Variants in LARGE1 observed in about 807,000 individuals in gnomAD.
LARGE1 encodes the protein xylosyl- and glucuronyltransferase LARGE1.
In LARGE1, 43 loss-of-function variants were observed where a neutral mutation model predicts 87.6. The observed-to-expected ratio is 0.49, with a 90% CI of 0.38 to 0.63. The LOEUF is 0.63. Among genes scored for constraint, LARGE1 ranks in the 30% least tolerant of loss-of-function variants. The pLI is 0.00. For missense variants in LARGE1, 802 were observed against 1,000.2 expected (o/e 0.80, Z 2.67); for synonymous variants, 434 against 394.6 (o/e 1.10, Z -1.18).
At chr22:33,920,887 C>T (rs1246087957), upstream of LARGE1, among the ~76,000 whole-genome samples, 1 of 146,758 alleles carries the variant, frequency 6.8e-6, no homozygotes, top group Non-Finnish European at 1.5e-5. Flanking sequence ...CCTCCCGCGC[C>T]CGGCCAGGAG....
chr22:33,608,006 T>C (rs1350002509), intron 4 of LARGE1, among the ~76,000 whole-genome samples: 1 of 152,136 alleles, frequency 6.6e-6, no homozygotes, highest in Non-Finnish European at 1.5e-5. Flanking sequence ...GAAGGGACAA[T>C]GCTGTGTTTG....
chr22:33,549,957 C>T (rs926337949), intron 6 of LARGE1, among the ~76,000 whole-genome samples: 1 of 152,082 alleles, frequency 6.6e-6, no homozygotes, highest in African/African-American at 2.4e-5. Context: ...GCATAGTATT[C>T]CATGGTGTAC....
intron 2 of LARGE1, among the ~76,000 whole-genome samples, chr22:33,748,833 A>G (rs1489412740): frequency 1.3e-5 from 2 of 152,200 alleles, no homozygotes; most frequent in African/African-American, 2.4e-5. Context: ...CCACAGCTGC[A>G]GTATGTTAGG....
At chr22:33,641,149 G>A (rs563164679) in intron 3 of LARGE1, among the ~76,000 whole-genome samples, 4 of 152,132 alleles carry the variant, frequency 2.6e-5, no homozygotes, top group Non-Finnish European at 4.4e-5. Flanking sequence ...GGAGAGCTCC[G>A]GCTGGCAACG....
intron 1 of LARGE1, among the ~76,000 whole-genome samples, chr22:33,804,285 C>A (rs5994799): frequency 6.6e-6 from 1 of 152,088 alleles, no homozygotes; most frequent in South Asian, 2.1e-4. Context: ...CAACATTGAA[C>A]GCAGACTTGA....
chr22:33,121,468 T>G, the LARGE1 span, among the ~76,000 whole-genome samples: 1 of 152,170 alleles, frequency 6.6e-6, no homozygotes, highest in African/African-American at 2.4e-5. Context: ...CTTTATAGAG[T>G]GGTTTTGATA....
chr22:33,477,954 G>T (rs958635980), intron 6 of LARGE1, among the ~76,000 whole-genome samples: 1 of 152,146 alleles, frequency 6.6e-6, no homozygotes, highest in Non-Finnish European at 1.5e-5. Flanking sequence ...TGAGTCACAG[G>T]TCTAACTCCT....
intron 2 of LARGE1, among the ~76,000 whole-genome samples, chr22:33,743,404 T>C (rs1345485575): frequency 6.6e-6 from 1 of 152,164 alleles, no homozygotes; most frequent in Non-Finnish European, 1.5e-5. Context: ...CCAGTATCCA[T>C]TTGCTCAGGT....
chr22:33,073,199 C>T, the LARGE1 span, among the ~76,000 whole-genome samples: 93 of 152,306 alleles, frequency 6.1e-4, no homozygotes, highest in East Asian at 0.011. Flanking sequence ...CTTTAAACTT[C>T]ATTCCTAAAG....
chr22:33,583,642 A>T (rs2078584358), intron 5 of LARGE1, among the ~76,000 whole-genome samples: 1 of 152,240 alleles, frequency 6.6e-6, no homozygotes, highest in Non-Finnish European at 1.5e-5. Flanking sequence ...TGAATAGGTC[A>T]GGGACATTGA....
the LARGE1 span, among the ~76,000 whole-genome samples, chr22:33,131,729 T>C: frequency 6.6e-6 from 1 of 152,100 alleles, no homozygotes; most frequent in African/African-American, 2.4e-5. Flanking sequence ...GTTCCTCCCA[T>C]GACACATGGG....
intron 9 of LARGE1, among the ~76,000 whole-genome samples, chr22:33,361,803 A>G (rs1360732622): frequency 7.2e-6 from 1 of 137,954 alleles, no homozygotes; most frequent in Non-Finnish European, 1.6e-5. Flanking sequence ...TCCTTACATC[A>G]CAGCACCTAG....
At chr22:33,616,026 AT>A (rs1290547403) in intron 4 of LARGE1, among the ~76,000 whole-genome samples, 6 of 152,222 alleles carry the variant, frequency 3.9e-5, no homozygotes, top group African/African-American at 1.4e-4. Flanking sequence ...GTGATTAAGA[AT>A]TTGCAGATAT....
At chr22:33,884,129 C>A (rs952280964) in intron 1 of LARGE1, among the ~76,000 whole-genome samples, 3 of 152,210 alleles carry the variant, frequency 2.0e-5, no homozygotes, top group Admixed American at 6.5e-5. Context: ...TCTCTGCCCA[C>A]CAACCACACC....
intron 10 of LARGE1, among the ~76,000 whole-genome samples, chr22:33,335,942 AC>A (rs1235012894): frequency 1.2e-4 from 18 of 152,162 alleles, no homozygotes; most frequent in African/African-American, 4.3e-4. Flanking sequence ...TGTCTCCTCC[AC>A]CAGAATATAA....
chr22:33,597,306 G>C (rs1362033459), intron 5 of LARGE1, among the ~76,000 whole-genome samples: 3 of 148,686 alleles, frequency 2.0e-5, no homozygotes, highest in Non-Finnish European at 4.4e-5. Flanking sequence ...AAACTTGTAA[G>C]TATTAAGCCT....
chr22:33,712,142 AG>A (rs1322137663), intron 2 of LARGE1, among the ~76,000 whole-genome samples: 2 of 152,146 alleles, frequency 1.3e-5, no homozygotes, highest in Admixed American at 6.5e-5. Context: ...ATTCAACCCC[AG>A]GAAGTTTGAG....
At chr22:33,885,901 G>C (rs1002554090) in intron 1 of LARGE1, among the ~76,000 whole-genome samples, 1 of 152,034 alleles carries the variant, frequency 6.6e-6, no homozygotes, top group Non-Finnish European at 1.5e-5. Context: ...GCGTGGTGGC[G>C]TTCCTATAAT....
chr22:33,809,024 C>G (rs1399735295), intron 1 of LARGE1, among the ~76,000 whole-genome samples: 1 of 147,612 alleles, frequency 6.8e-6, no homozygotes, highest in South Asian at 2.3e-4. Flanking sequence ...GTAATCCCAG[C>G]ACTTTGGGAG....
Sources: allele counts gnomAD v4.1 joint callset (sites outside exome capture counted in the v4.1 genomes callset), GRCh38; gene constraint gnomAD v4.1.1; transcripts MANE v1.5; gene names NCBI Gene and HGNC (gene_info 2026-07-23, HGNC 2026-07-21).